Variants in PARD3B observed in about 807,000 individuals in gnomAD.
The protein encoded by PARD3B is par-3 family cell polarity regulator beta.
Under a neutral mutation model 130.2 loss-of-function variants are expected in PARD3B, and 103 were observed. The ratio of observed to expected loss-of-function variants is 0.79; its 90% CI spans 0.67 to 0.93. The LOEUF (loss-of-function observed/expected upper bound fraction) is 0.93, where lower values mean the gene tolerates loss of function less well. PARD3B is among the 40% of genes least tolerant of loss of function. The probability of loss-of-function intolerance (pLI) is 0.00; values close to 1 mark genes in which losing one functional copy is unlikely to be tolerated. For synonymous variants in PARD3B, 583 were observed against 553.2 expected, an observed-to-expected ratio of 1.05 and a Z score of -0.76; for missense variants, 1,609 against 1,499.2, an observed-to-expected ratio of 1.07 and a Z score of -1.21.
intron 15 of PARD3B, among the ~76,000 whole-genome samples, chr2:205,205,928 C>T (rs1159828010): frequency 6.6e-6 from 1 of 152,110 alleles, no homozygotes; most frequent in African/African-American, 2.4e-5. Flanking sequence ...GTGCCTCTGC[C>T]AGGCTTTGGT....
intron 21 of PARD3B, among the ~76,000 whole-genome samples, chr2:205,517,083 G>A (rs564268612): frequency 7.9e-5 from 12 of 152,122 alleles, no homozygotes; most frequent in East Asian, 1.9e-4. Flanking sequence ...ATTTTCATAC[G>A]TCGAATCAAC....
At chr2:205,119,831 G>C (rs1463928120) in intron 7 of PARD3B, among the ~76,000 whole-genome samples, 1 of 152,080 alleles carries the variant, frequency 6.6e-6, no homozygotes, top group East Asian at 1.9e-4. Flanking sequence ...TCATCTTTCT[G>C]CATGTGAAAA....
At chr2:205,134,812 G>A (rs2032330816) in intron 10 of PARD3B, among the ~76,000 whole-genome samples, 1 of 152,172 alleles carries the variant, frequency 6.6e-6, no homozygotes. Context: ...ACAGATGGAG[G>A]AAGTGCGGGG....
intron 2 of PARD3B, among the ~76,000 whole-genome samples, chr2:204,757,031 GCA>G (rs1458181251): frequency 6.6e-6 from 1 of 152,064 alleles, no homozygotes; most frequent in Non-Finnish European, 1.5e-5. Flanking sequence ...TTCTGTTTCT[GCA>G]TTAATTTGCT....
At chr2:205,264,456 T>C (rs1168472517) in intron 16 of PARD3B, among the ~76,000 whole-genome samples, 1 of 151,096 alleles carries the variant, frequency 6.6e-6, no homozygotes, top group Admixed American at 6.6e-5. Context: ...AAATGCAAAG[T>C]TTCTAGCAGT....
At chr2:204,642,597 C>T (rs1363011743) in intron 1 of PARD3B, among the ~76,000 whole-genome samples, 2 of 152,058 alleles carry the variant, frequency 1.3e-5, no homozygotes, top group Non-Finnish European at 2.9e-5. Flanking sequence ...ATCTTTTAAT[C>T]TGGAGACTGA....
chr2:204,576,697 A>G (rs2032278771), intron 1 of PARD3B, among the ~76,000 whole-genome samples: 2 of 152,152 alleles, frequency 1.3e-5, no homozygotes, highest in Admixed American at 1.3e-4. Context: ...TCCACAATAA[A>G]CATGTCTAGT....
At chr2:204,859,483 T>C (rs369394423) in intron 2 of PARD3B, among the ~76,000 whole-genome samples, 1 of 152,240 alleles carries the variant, frequency 6.6e-6, no homozygotes, top group African/African-American at 2.4e-5. Context: ...GCCTATGGTG[T>C]ACATTGCTAT....
chr2:204,922,366 T>G (rs533663305), intron 2 of PARD3B, among the ~76,000 whole-genome samples: 1 of 151,998 alleles, frequency 6.6e-6, no homozygotes, highest in Admixed American at 6.6e-5. Context: ...AAGGGAAGGA[T>G]TGTGGAAGCT....
chr2:205,305,925 T>A (rs1921804), intron 18 of PARD3B, among the ~76,000 whole-genome samples: 6,306 of 152,274 alleles, frequency 0.041, 388 homozygotes, highest in African/African-American at 0.14. Context: ...TGTGTAAATA[T>A]TTTGTTACAT....
chr2:204,806,319 A>G (rs1482451161), intron 2 of PARD3B, among the ~76,000 whole-genome samples: 3 of 152,154 alleles, frequency 2.0e-5, no homozygotes, highest in African/African-American at 4.8e-5. Context: ...AGAATAGGGA[A>G]CCTAGAAAGA....
intron 2 of PARD3B, among the ~76,000 whole-genome samples, chr2:204,713,693 T>TGTAA (rs975860619): frequency 7.8e-4 from 119 of 152,296 alleles, no homozygotes; most frequent in African/African-American, 2.8e-3. Flanking sequence ...TTTTACTTAG[T>TGTAA]ATGTCAAGGT....
chr2:205,415,964 A>G (rs1481567523), intron 19 of PARD3B, among the ~76,000 whole-genome samples: 2 of 152,186 alleles, frequency 1.3e-5, no homozygotes, highest in Admixed American at 1.3e-4. Flanking sequence ...ATATGCAACT[A>G]TGTAGACATG....
intron 2 of PARD3B, among the ~76,000 whole-genome samples, chr2:204,733,531 A>G (rs1043773623): frequency 2.0e-5 from 3 of 148,526 alleles, no homozygotes; most frequent in Non-Finnish European, 3.0e-5. Flanking sequence ...AGAATCAGGT[A>G]TAAGCTGATT....
At chr2:205,487,236 A>G (rs1242532519) in intron 20 of PARD3B, among the ~76,000 whole-genome samples, 2 of 152,190 alleles carry the variant, frequency 1.3e-5, no homozygotes, top group Non-Finnish European at 2.9e-5. Flanking sequence ...CCTAATCACA[A>G]TCTTTAGCTT....
At chr2:205,482,508 G>T (rs1575130233) in intron 20 of PARD3B, 1 of 152,578 alleles carries the variant, frequency 6.6e-6, no homozygotes, top group South Asian at 2.1e-4. Context: ...AGCTTGAAGG[G>T]GGAGGGGGCG....
rs1431312294 is a variant in PARD3B at position 205,080,607 on chromosome 2, T to G, written c.505-23819T>G. 2.6e-5 allele frequency among the ~76,000 whole-genome samples: 4 copies of G among 152,286 alleles called. No individual in the cohort carries two copies. The South Asian group carries it at 6.2e-4, about 24-fold the overall frequency. On this transcript the variant is annotated intron_variant, in intron 4 of 22. Coordinates refer to ENST00000406610, the MANE Select transcript of PARD3B (RefSeq NM_001302769.2). Reference sequence around the variant, plus strand: ...ATTTGAATTATCCACTTTGGGATTATTAATAATGCTTCTATGAGCATCTTG... The same window carrying G: ...ATTTGAATTATCCACTTTGGGATTAGTAATAATGCTTCTATGAGCATCTTG...
intron 18 of PARD3B, among the ~76,000 whole-genome samples, chr2:205,371,572 C>T (rs1223538245): frequency 6.6e-6 from 1 of 152,128 alleles, no homozygotes; most frequent in Non-Finnish European, 1.5e-5. Context: ...CCAGGATTAT[C>T]CTCCAGAGAA....
At chr2:204,585,609 G>C (rs983306999) in intron 1 of PARD3B, among the ~76,000 whole-genome samples, 9 of 151,566 alleles carry the variant, frequency 5.9e-5, no homozygotes, top group African/African-American at 2.2e-4. Flanking sequence ...CTCCCAAAGT[G>C]CTGGGATTAC....
Sources: gnomAD v4.1 joint callset for allele counts (sites outside exome capture counted in the v4.1 genomes callset) on GRCh38, gnomAD v4.1.1 for gene constraint, MANE v1.5 for transcripts, NCBI Gene and HGNC (gene_info 2026-07-23, HGNC 2026-07-21) for gene names.